Variants in DNAI2 observed in about 807,000 individuals in gnomAD.
DNAI2 encodes dynein, axonemal, intermediate polypeptide 2.
DNAI2 carries 63 observed loss-of-function variants against 74.7 expected under a neutral mutation model. The observed-to-expected ratio is 0.84, with a 90% CI of 0.69 to 1.04. The LOEUF is 1.04. Ranked by LOEUF, DNAI2 falls within the 50% of genes least tolerant of loss-of-function variation. The pLI, the probability that DNAI2 is intolerant of heterozygous loss-of-function variation, is 0.00. For synonymous variants in DNAI2, 289 were observed against 314.9 expected (o/e 0.92, Z 0.87); for missense variants, 688 against 803.2 (o/e 0.86, Z 1.73).
chr17:74,276,900 C>G (rs1172330506), intron 1 of DNAI2, among the ~76,000 whole-genome samples: 1 of 152,200 alleles, frequency 6.6e-6, no homozygotes, highest in Non-Finnish European at 1.5e-5. Flanking sequence ...GTGGGAGGCA[C>G]AGTTGCTTCA....
Position 74,291,114 on chromosome 17 carries a change from C to T in DNAI2, c.705C>T (p.Gly235=), listed in dbSNP as rs2052066677. Reference sequence around the variant, plus strand: ...AAGATTCCCACGTACTCCTGGGTGGCTGCTACAATGGACAGATAGGTAAGG... The same window carrying T: ...AAGATTCCCACGTACTCCTGGGTGGTTGCTACAATGGACAGATAGGTAAGG... ...NPKDSHVLLG[G]CYNGQIACWD... Residue 235 remains glycine, a synonymous_variant, in exon 6 of 14, where the codon GGC becomes GGT. Transcript: ENST00000311014. 6.2e-7 allele frequency: 1 copy of T among 1,613,752 alleles called. No individual in the cohort carries two copies.
chr17:74,312,329 C>A, intron 12 of DNAI2, 99 bp downstream of exon 12: 1 of 926,434 alleles, frequency 1.1e-6, no homozygotes, highest in Non-Finnish European at 1.7e-6. Flanking sequence ...TGACCTTGAG[C>A]AAGTAGTCTT....
rs752020598 is a variant in DNAI2 at position 74,301,081 on chromosome 17, C to T, written c.900C>T (p.Pro300=). 45 of 1,614,072 alleles carry T rather than the reference C, an allele frequency of 2.8e-5. No homozygotes were observed. The highest frequency in any genetic ancestry group is 3.8e-5 in the Non-Finnish European group (45 of 1,179,972). Residue 300 remains proline, a synonymous_variant, in exon 8 of 14, where the codon CCC becomes CCT. Transcript: ENST00000311014. ...MWWDIRKMSE[P]TEVVILDITK... ...GGGACATCCGAAAGATGAGCGAGCC[C>T]ACTGAAGTTGTGATCTTGGACATCA...
chr17:74,287,707 C>T (rs757517728), intron 4 of DNAI2, among the ~76,000 whole-genome samples: 2 of 152,214 alleles, frequency 1.3e-5, no homozygotes, highest in Non-Finnish European at 2.9e-5. Flanking sequence ...GTAATCCCAG[C>T]ACTTTGGGAG....
At chr17:74,307,390 G>A in intron 9 of DNAI2, 1 of 444,784 alleles carries the variant, frequency 2.2e-6, no homozygotes, top group East Asian at 7.0e-5. Flanking sequence ...CCCTGGGCCA[G>A]GTGCAGTGGG....
At chr17:74,313,829 A>G in intron 12 of DNAI2, 1 of 446,984 alleles carries the variant, frequency 2.2e-6, no homozygotes, top group South Asian at 2.1e-5. Flanking sequence ...TGTCCTCTCT[A>G]TGGGTGAGGG....
chr17:74,305,539 A>G (rs1055139146), intron 9 of DNAI2, 97 bp downstream of exon 9: 12 of 1,102,912 alleles, frequency 1.1e-5, no homozygotes, highest in Admixed American at 4.9e-5. Flanking sequence ...CTCCATATGT[A>G]AAATGGAGAA....
intron 6 of DNAI2, among the ~76,000 whole-genome samples, chr17:74,299,195 C>T (rs971188911): frequency 6.6e-5 from 10 of 152,184 alleles, no homozygotes; most frequent in Non-Finnish European, 1.3e-4. Flanking sequence ...AAGGCTAAAG[C>T]TCCTCTGTGA....
chr17:74,290,442 G>A (rs532293992), intron 5 of DNAI2, among the ~76,000 whole-genome samples: 10 of 152,296 alleles, frequency 6.6e-5, no homozygotes, highest in South Asian at 4.1e-4. Flanking sequence ...CAGGGGCAGC[G>A]TGTCCATTTA....
At chr17:74,280,230 A>T (rs2051316128) in intron 1 of DNAI2, among the ~76,000 whole-genome samples, 1 of 152,192 alleles carries the variant, frequency 6.6e-6, no homozygotes, top group South Asian at 2.1e-4. Flanking sequence ...AATCAGCATC[A>T]GTGAGAAACC....
rs1391540587 is a variant in DNAI2, at chr17:74,300,115, A to G, written c.864+258A>G. 1.3e-5 allele frequency among the ~76,000 whole-genome samples: 2 copies of G among 152,124 alleles called. No individual in the cohort carries two copies. The highest frequency in any genetic ancestry group is 2.4e-5 in the African/African-American group (1 of 41,430). ...AGGCGCCTGCCACTATGCCTGGTTA[A>G]TTTTTTATTTTTAGTAGAGATGGTG... On this transcript the variant is annotated intron_variant, in intron 7 of 13. Coordinates refer to ENST00000311014, the MANE Select transcript of DNAI2 (RefSeq NM_023036.6). The surrounding 1 kb of genome is among the most constrained non-coding windows in gnomAD (Gnocchi z 4.5).
chr17:74,306,236 G>C (rs1395479141), intron 9 of DNAI2, among the ~76,000 whole-genome samples: 3 of 152,232 alleles, frequency 2.0e-5, no homozygotes, highest in Admixed American at 2.0e-4. Flanking sequence ...CAGGGAGCTT[G>C]AGACAGAGCT....
chr17:74,311,986 T>A lies in DNAI2; in HGVS notation c.1495-17T>A. On this transcript the variant is annotated splice_polypyrimidine_tract_variant and intron_variant, in intron 11 of 13. Transcript: ENST00000311014. ...TGCCCTCTCCCCACCGGGCTCTCTCTGTCCCTGGGTGCCCAGATGTTTGAG... is the reference window on the plus strand; with the variant it reads ...TGCCCTCTCCCCACCGGGCTCTCTCAGTCCCTGGGTGCCCAGATGTTTGAG... 1 of 1,610,344 alleles carries A rather than the reference T, an allele frequency of 6.2e-7. No homozygotes were observed. The highest frequency in any genetic ancestry group is 8.5e-7 in the Non-Finnish European group (1 of 1,179,188).
At chr17:74,276,460 C>T (rs1407304428) in intron 1 of DNAI2, among the ~76,000 whole-genome samples, 1 of 152,204 alleles carries the variant, frequency 6.6e-6, no homozygotes, top group African/African-American at 2.4e-5. Context: ...CACTCCTGCT[C>T]AGGCCTTGCT....
chr17:74,305,429 A>C lies in DNAI2; in HGVS notation c.1198A>C (p.Ile400Leu). The change falls in exon 9 of 14, where the codon ATC becomes CTC. Residue 400 changes from isoleucine (I) to leucine (L), a missense_variant. Physicochemically the swap from Ile to Leu is conservative, Grantham distance 5 (BLOSUM62 2). Coordinates refer to ENST00000311014, the MANE Select transcript of DNAI2 (RefSeq NM_023036.6). Reference protein sequence around the residue: ...IWSEDSRESSIMWTKYHMAYL... With the variant: ...IWSEDSRESSLMWTKYHMAYL... Reference sequence around the variant, plus strand: ...GTCTGAAGACAGCCGGGAATCGTCCATCATGTGGACCAAGTAAGAGGCGAT... The same window carrying C: ...GTCTGAAGACAGCCGGGAATCGTCCCTCATGTGGACCAAGTAAGAGGCGAT... 1 of 1,614,120 alleles carries C rather than the reference A, an allele frequency of 6.2e-7. No homozygotes were observed. The highest frequency in any genetic ancestry group is 8.5e-7 in the Non-Finnish European group (1 of 1,180,010).
chr17:74,304,556 A>G (rs1598328362), intron 8 of DNAI2, among the ~76,000 whole-genome samples: 1 of 152,318 alleles, frequency 6.6e-6, no homozygotes, highest in Non-Finnish European at 1.5e-5. Flanking sequence ...GCACTGGACC[A>G]GGAGTCAGGA....
chr17:74,306,687 G>A (rs775769506), intron 9 of DNAI2, among the ~76,000 whole-genome samples: 3 of 152,132 alleles, frequency 2.0e-5, no homozygotes, highest in East Asian at 1.9e-4. Flanking sequence ...GCGAGATCTC[G>A]GCTCACTGCA....
At chr17:74,289,077 G>A (rs1397615862) in intron 4 of DNAI2, among the ~76,000 whole-genome samples, 1 of 152,234 alleles carries the variant, frequency 6.6e-6, no homozygotes, top group African/African-American at 2.4e-5. Flanking sequence ...TTCTGAGGCA[G>A]GGCTGACTCA....
intron 1 of DNAI2, among the ~76,000 whole-genome samples, chr17:74,277,073 A>G (rs2051125642): frequency 6.6e-6 from 1 of 152,198 alleles, no homozygotes; most frequent in South Asian, 2.1e-4. Context: ...AGGAAAGAGA[A>G]TTTCCAAACT....
Sources: allele counts gnomAD v4.1 joint callset (sites outside exome capture counted in the v4.1 genomes callset), GRCh38; gene constraint gnomAD v4.1.1; non-coding constraint Gnocchi (gnomAD v3.1); transcripts MANE v1.5; gene names NCBI Gene and HGNC (gene_info 2026-07-23, HGNC 2026-07-21).